DCAF10: variants seen among roughly 807,000 people sequenced by gnomAD.
DCAF10 encodes DDB1- and CUL4-associated factor 10.
Under a neutral mutation model 51.9 loss-of-function variants are expected in DCAF10, and 19 were observed. The observed-to-expected ratio is 0.37, with a 90% confidence interval of 0.26 to 0.54. DCAF10 has a LOEUF of 0.54. Among genes scored for constraint, DCAF10 ranks in the 20% least tolerant of loss-of-function variants. DCAF10 has a pLI of 0.87. For missense variants in DCAF10, 510 were observed against 730.6 expected (o/e 0.70, Z 3.48); for synonymous variants, 291 against 297.1 (o/e 0.98, Z 0.21).
chr9:37,860,204 C>T lies in DCAF10; in HGVS notation c.1311+11C>T. 6.2e-7 allele frequency: 1 copy of T among 1,613,848 alleles called. No homozygotes were observed. Among genetic ancestry groups the T allele is most frequent in the Non-Finnish European group, 8.5e-7 (1 of 1,179,836 alleles). Reference sequence around the variant, plus strand: ...AGTGATGATGAGGAGGTACAGGCAGCAGCACTCCACCTTCAACAGGGCTCA... The same window carrying T: ...AGTGATGATGAGGAGGTACAGGCAGTAGCACTCCACCTTCAACAGGGCTCA... On this transcript the variant is annotated intron_variant, in intron 6 of 6. Coordinates refer to ENST00000377724, the MANE Select transcript of DCAF10 (RefSeq NM_024345.5).
intron 1 of DCAF10, among the ~76,000 whole-genome samples, chr9:37,818,095 C>T (rs916596159): frequency 9.9e-5 from 15 of 152,058 alleles, no homozygotes; most frequent in African/African-American, 2.7e-4. Flanking sequence ...TGGGTTCAAG[C>T]GATTCTCCTG....
In DCAF10 at chr9:37,801,356, A is replaced by G; in HGVS notation, c.490A>G (p.Ser164Gly). ...CCACCCCGCGGACTCGGTGTACCTCAGCACCCGCACCCACGGCGCCGTCTT... is the reference window on the plus strand; with the variant it reads ...CCACCCCGCGGACTCGGTGTACCTCGGCACCCGCACCCACGGCGCCGTCTT... ...SIHPADSVYL[S>G]TRTHGAVFNL... Residue 164 changes from serine to glycine, a missense_variant, in exon 1 of 7, where the codon AGC becomes GGC. Ser to Gly is a moderately conservative substitution (Grantham distance 56). Transcript: ENST00000377724. This position sits in a 1 kb window ranked among gnomAD's most constrained non-coding sequence, Gnocchi z 5.5. 1 of 1,563,994 alleles carries G rather than the reference A, an allele frequency of 6.4e-7. No homozygotes were observed. The highest frequency in any genetic ancestry group is 1.2e-5 in the South Asian group (1 of 85,398).
chr9:37,843,957 G>GA lies in DCAF10; in HGVS notation c.851+1677dup, dbSNP rs141772282. ...AGAAAAGTTGAAAGTAAAAGGATGAGAAAAAACAAACAATTATACGTCAAA... is the reference window on the plus strand; with the variant it reads ...AGAAAAGTTGAAAGTAAAAGGATGAGAAAAAAACAAACAATTATACGTCAAA... On this transcript the variant is annotated intron_variant, in intron 3 of 6. Transcript: ENST00000377724. Among the ~76,000 whole-genome samples, 1,156 of 152,170 alleles carry GA rather than the reference G, an allele frequency of 7.6e-3. 16 individuals carry two copies. The highest frequency in any genetic ancestry group is 0.026 in the African/African-American group (1,084 of 41,542).
intron 1 of DCAF10, among the ~76,000 whole-genome samples, chr9:37,811,552 C>T (rs1412019918): frequency 6.6e-6 from 1 of 151,626 alleles, no homozygotes; most frequent in East Asian, 1.9e-4. Flanking sequence ...GAACTAGAAG[C>T]TAAAAAAAGA....
chr9:37,826,448 G>T (rs1829853638), intron 2 of DCAF10, among the ~76,000 whole-genome samples: 1 of 152,178 alleles, frequency 6.6e-6, no homozygotes, highest in Non-Finnish European at 1.5e-5. Flanking sequence ...GGATGCTATA[G>T]CCTTTCTGGA....
At position 37,857,276 on chromosome 9, in the gene DCAF10, G is replaced by C; in HGVS notation, c.1090G>C (p.Val364Leu). Residue 364 changes from valine to leucine, a missense_variant, in exon 5 of 7, where the codon GTT becomes CTT. Around this residue, in one of 4 missense-constraint regions of DCAF10, gnomAD observed 126 missense variants for 271.5 expected, o/e 0.46. Transcript: ENST00000377724. ...TTCATCAAGTTCATCTGGTCCTAGA[G>C]TTTCTGGCTCACCTTGTCATCATAG... ...TTSSSSSGPR[V>L]SGSPCHHSDS... The C allele has an allele frequency of 6.2e-7, 1 of 1,609,756 alleles. No homozygotes were observed. Among genetic ancestry groups the C allele is most frequent in the Non-Finnish European group, 8.5e-7 (1 of 1,178,492 alleles).
intron 1 of DCAF10, among the ~76,000 whole-genome samples, chr9:37,804,688 A>C (rs1163697233): frequency 6.6e-6 from 1 of 152,012 alleles, no homozygotes; most frequent in Non-Finnish European, 1.5e-5. Context: ...AGGCAGGAGA[A>C]TCGCTTGAAC....
At chr9:37,859,432 T>C (rs959606479) in intron 5 of DCAF10, among the ~76,000 whole-genome samples, 7 of 152,208 alleles carry the variant, frequency 4.6e-5, no homozygotes, top group Admixed American at 2.6e-4. Flanking sequence ...GGGAGTTAGG[T>C]AGAAGGAAAT....
rs1404965870 is a variant in DCAF10 at position 37,801,376 on chromosome 9, C to G, written c.510C>G (p.Ala170=). 41 of 1,539,732 alleles carry G rather than the reference C, an allele frequency of 2.7e-5. No homozygotes were observed. The highest frequency in any genetic ancestry group is 3.5e-5 in the Non-Finnish European group (40 of 1,144,236). The change falls in exon 1 of 7, where the codon GCC becomes GCG. Residue 170 remains alanine, a synonymous_variant. Coordinates refer to ENST00000377724, the MANE Select transcript of DCAF10 (RefSeq NM_024345.5). This position sits in a 1 kb window ranked among gnomAD's most constrained non-coding sequence, Gnocchi z 5.5. ...ACCTCAGCACCCGCACCCACGGCGC[C>G]GTCTTCAACCTCGAGTACTCGCCCG... ...SVYLSTRTHG[A]VFNLEYSPDG...
In DCAF10 at chr9:37,866,465, T is replaced by A. The variant is rs542507984; in HGVS notation, c.*4957T>A. On this transcript the variant is annotated 3_prime_UTR_variant, in exon 7 of 7. Coordinates refer to ENST00000377724, the MANE Select transcript of DCAF10 (RefSeq NM_024345.5). ...TTTGCCTCAGACTGCTGTTGGATTT[T>A]AAAATTTTTAAAATATCTGCTAAGT... The A allele has an allele frequency of 6.6e-5, 10 of 152,410 alleles. No homozygotes were observed. Among genetic ancestry groups the A allele is most frequent in the African/African-American group, 1.7e-4 (7 of 41,590 alleles). The allele number at this position is 152,410 out of a possible 1,614,324, so 9.4% of individuals were successfully genotyped here.
At chr9:37,825,688 A>G (rs1238362425) in intron 2 of DCAF10, among the ~76,000 whole-genome samples, 1 of 152,152 alleles carries the variant, frequency 6.6e-6, no homozygotes, top group Non-Finnish European at 1.5e-5. Context: ...AAGTTTAGCT[A>G]TATAACAAAC....
chr9:37,842,427 T>C (rs1208110733), intron 3 of DCAF10, 141 bp downstream of exon 3: 1 of 828,700 alleles, frequency 1.2e-6, no homozygotes, highest in African/African-American at 1.7e-5. Context: ...ATATATTTTG[T>C]TAATTGTACC....
chr9:37,814,140 T>C (rs1262266803), intron 1 of DCAF10, among the ~76,000 whole-genome samples: 1 of 126,320 alleles, frequency 7.9e-6, no homozygotes, highest in African/African-American at 3.0e-5. Flanking sequence ...GTTGTTGTTG[T>C]TGTTGTTGTT....
At chr9:37,833,073 C>T (rs909300058) in intron 2 of DCAF10, among the ~76,000 whole-genome samples, 1 of 152,034 alleles carries the variant, frequency 6.6e-6, no homozygotes, top group African/African-American at 2.4e-5. Flanking sequence ...TCTATGTTGC[C>T]GGGGCTGGTC....
chr9:37,842,141 C>T lies in DCAF10; in HGVS notation c.706C>T (p.Leu236=). The T allele has an allele frequency of 6.2e-7, 1 of 1,613,892 alleles. No individual in the cohort carries two copies. The highest frequency in any genetic ancestry group is 1.3e-5 in the African/African-American group (1 of 75,012). The part of the protein sequence containing the change: ...ATCSDDTTIA[L]WDLRKLNTKV... ...CTGCTCTGATGACACTACAATAGCA[C>T]TATGGGATCTGAGAAAATTGAACAC... The change falls in exon 3 of 7, where the codon CTA becomes TTA. Residue 236 remains leucine (L), a synonymous_variant. Coordinates refer to ENST00000377724, the MANE Select transcript of DCAF10 (RefSeq NM_024345.5).
chr9:37,804,752 G>C (rs1324672457), intron 1 of DCAF10, among the ~76,000 whole-genome samples: 1 of 151,602 alleles, frequency 6.6e-6, no homozygotes, highest in East Asian at 1.9e-4. Flanking sequence ...CTCCAGCCTG[G>C]GCAACAAGAG....
At chr9:37,814,113 TA>T (rs1829445913) in intron 1 of DCAF10, among the ~76,000 whole-genome samples, 1 of 91,814 alleles carries the variant, frequency 1.1e-5, no homozygotes, top group African/African-American at 4.0e-5. Flanking sequence ...TATATATATA[TA>T]TATATATATA....
intron 4 of DCAF10, among the ~76,000 whole-genome samples, chr9:37,856,695 C>T (rs1260626628): frequency 6.6e-6 from 1 of 151,910 alleles, no homozygotes; most frequent in Admixed American, 6.6e-5. Flanking sequence ...CCTTTAGGCC[C>T]AGCTACTCAG....
At chr9:37,802,730 G>A (rs1323131398) in intron 1 of DCAF10, among the ~76,000 whole-genome samples, 1 of 152,180 alleles carries the variant, frequency 6.6e-6, no homozygotes, top group Non-Finnish European at 1.5e-5. Context: ...GCAATTGGTT[G>A]GAGCATGTAG....
Sources: gnomAD v4.1 joint callset for allele counts (sites outside exome capture counted in the v4.1 genomes callset) on GRCh38, gnomAD v4.1.1 for gene constraint, gnomAD v4.1.1 regional missense constraint, Gnocchi (gnomAD v3.1) non-coding constraint, MANE v1.5 for transcripts, NCBI Gene and HGNC (gene_info 2026-07-23, HGNC 2026-07-21) for gene names.